FRY: variants seen among roughly 807,000 people sequenced by gnomAD.
FRY encodes the protein FRY microtubule binding protein, also known as protein furry homolog.
FRY carries 128 observed loss-of-function variants against 348.4 expected under a neutral mutation model. The ratio of observed to expected loss-of-function variants is 0.37; its 90% CI spans 0.32 to 0.43. The LOEUF (loss-of-function observed/expected upper bound fraction) is 0.43, where lower values mean the gene tolerates loss of function less well. Ranked by LOEUF, FRY falls within the 20% of genes least tolerant of loss-of-function variation. FRY has a pLI of 1.00. For missense variants in FRY, 2,736 were observed against 3,695.2 expected (o/e 0.74, Z 6.73); for synonymous variants, 1,370 against 1,374.7 (o/e 1.00, Z 0.08).
chr13:32,209,537 C>A, intron 32 of FRY, 48 bp from the exon 33 acceptor site: 1 of 1,596,310 alleles, frequency 6.3e-7, no homozygotes, highest in Non-Finnish European at 8.6e-7. Flanking sequence ...CCTTTTGCGT[C>A]CTTACAGTTT....
At chr13:32,228,166 C>T (rs756796786) in intron 39 of FRY, among the ~76,000 whole-genome samples, 3 of 152,194 alleles carry the variant, frequency 2.0e-5, no homozygotes, top group African/African-American at 7.2e-5. Context: ...CATACAAACA[C>T]GCATACATAC....
Position 32,261,834 on chromosome 13 carries a change from C to T in FRY, c.7617+18C>T. ...CAGACCTAGTAAGTAGCGGCTCTCCCACTCTAAGAATTGGGAGGCTTATTT... is the reference window on the plus strand; with the variant it reads ...CAGACCTAGTAAGTAGCGGCTCTCCTACTCTAAGAATTGGGAGGCTTATTT... On this transcript the variant is annotated intron_variant, in intron 52 of 60. Transcript: ENST00000542859. The T allele has an allele frequency of 6.2e-7, 1 of 1,609,958 alleles. No individual in the cohort carries two copies. The highest frequency in any genetic ancestry group is 8.5e-7 in the Non-Finnish European group (1 of 1,176,204).
intron 28 of FRY, among the ~76,000 whole-genome samples, chr13:32,190,394 A>G (rs1449403094): frequency 1.3e-5 from 2 of 152,114 alleles, no homozygotes; most frequent in East Asian, 3.8e-4. Context: ...AGGTGACACA[A>G]TTGTGTGTGT....
At chr13:32,218,702 T>C in intron 35 of FRY, 47 bp from the exon 36 acceptor site, 3 of 840,632 alleles carry the variant, frequency 3.6e-6, no homozygotes, top group Non-Finnish European at 5.8e-6. Flanking sequence ...AAAAAGCGCA[T>C]ATGCACACAT....
At chr13:32,209,865 C>G in intron 33 of FRY, 134 bp downstream of exon 33, 2 of 889,392 alleles carry the variant, frequency 2.2e-6, no homozygotes, top group Non-Finnish European at 1.8e-6. Flanking sequence ...CCTGTGAGCT[C>G]ATCCAGATAT....
At chr13:32,220,498 A>G (rs1885259085) in intron 36 of FRY, among the ~76,000 whole-genome samples, 1 of 152,246 alleles carries the variant, frequency 6.6e-6, no homozygotes. Flanking sequence ...AACACTGAAT[A>G]GTCAAATCTC....
intron 2 of FRY, chr13:32,085,930 G>A (rs1347346479): frequency 7.7e-6 from 4 of 518,856 alleles, no homozygotes; most frequent in African/African-American, 3.9e-5. Flanking sequence ...AGATGACAGA[G>A]GCAAACAAAG....
At chr13:32,140,120 G>T (rs1566092594) in intron 11 of FRY, among the ~76,000 whole-genome samples, 1 of 151,226 alleles carries the variant, frequency 6.6e-6, no homozygotes, top group Non-Finnish European at 1.5e-5. Flanking sequence ...AACCTCAAAG[G>T]TTAAGAAACA....
intron 31 of FRY, among the ~76,000 whole-genome samples, chr13:32,204,928 G>T (rs904763197): frequency 2.0e-5 from 3 of 152,146 alleles, no homozygotes; most frequent in African/African-American, 7.2e-5. Flanking sequence ...ATCAAGCCAA[G>T]CACAGTGGCT....
intron 11 of FRY, among the ~76,000 whole-genome samples, chr13:32,142,020 A>G (rs1880104726): frequency 6.6e-6 from 1 of 150,928 alleles, no homozygotes; most frequent in Non-Finnish European, 1.5e-5. Context: ...GTTTTTTTTG[A>G]TCTTGAAGCA....
At chr13:32,215,092 G>T (rs1258397901) in intron 35 of FRY, among the ~76,000 whole-genome samples, 1 of 152,180 alleles carries the variant, frequency 6.6e-6, no homozygotes, top group African/African-American at 2.4e-5. Flanking sequence ...GGGTAAGACA[G>T]TTGGTGTCTT....
At chr13:32,268,494 AAAAAAAAAAAAATATAT>A (rs1407713863) in intron 55 of FRY, among the ~76,000 whole-genome samples, 11 of 19,018 alleles carry the variant, frequency 5.8e-4, no homozygotes, top group African/African-American at 1.4e-3. Flanking sequence ...TTTAAAAAAA[AAAAAAAAAAAAATATAT>A]ATATATATAT....
intron 4 of FRY, among the ~76,000 whole-genome samples, chr13:32,119,687 CCTGATTTCTG>C (rs1878528809): frequency 6.6e-6 from 1 of 152,090 alleles, no homozygotes; most frequent in Non-Finnish European, 1.5e-5. Flanking sequence ...GGATATAAAG[CCTGATTTCTG>C]AGTGCCCTCC....
At chr13:32,140,631 A>C (rs970905484) in intron 11 of FRY, among the ~76,000 whole-genome samples, 1 of 152,198 alleles carries the variant, frequency 6.6e-6, no homozygotes, top group Non-Finnish European at 1.5e-5. Context: ...ACTCTAAAGA[A>C]AACCTAATAG....
At chr13:32,089,626 T>C (rs1037258616) in intron 2 of FRY, among the ~76,000 whole-genome samples, 1 of 151,990 alleles carries the variant, frequency 6.6e-6, no homozygotes, top group African/African-American at 2.4e-5. Context: ...AACAAAAAAA[T>C]TAGCCAGGCG....
chr13:32,093,851 T>A (rs1876500867), intron 2 of FRY, among the ~76,000 whole-genome samples: 2 of 152,238 alleles, frequency 1.3e-5, no homozygotes, highest in African/African-American at 4.8e-5. Context: ...AGAATGATTT[T>A]GTGAAAATAA....
Position 32,182,971 on chromosome 13 carries a change from CCA to C in FRY, c.2997-3_2997-2del. On this transcript the variant is annotated splice_region_variant and splice_polypyrimidine_tract_variant and intron_variant, in intron 23 of 60. Transcript: ENST00000542859. ...GAATTTCAAATTTGACCTTTTTCCT[CCA>C]CAGAGAATTGGTAGAAGAACTTCAT... is the stretch of plus-strand genomic sequence containing the variant. 6.3e-7 allele frequency: 1 copy of C among 1,587,756 alleles called. No homozygotes were observed. Among genetic ancestry groups the C allele is most frequent in the Non-Finnish European group, 8.6e-7 (1 of 1,156,822 alleles).
rs932386800 is a variant in FRY, at chr13:32,296,646, C to T, written c.*1186C>T. The T allele has an allele frequency of 6.6e-6, 1 of 151,174 alleles. No individual in the cohort carries two copies. The highest frequency in any genetic ancestry group is 1.5e-5 in the Non-Finnish European group (1 of 67,844). The allele number at this position is 151,174 out of a possible 1,614,324, so 9.4% of individuals were successfully genotyped here. On this transcript the variant is annotated 3_prime_UTR_variant, in exon 61 of 61. Transcript: ENST00000542859. ...AAAAAAAAGACAAAATACACGTTGA[C>T]CATGGACTTTATTTCTGGTTAATGA...
chr13:32,135,058 T>C (rs1321699158), intron 9 of FRY, 27 bp from the exon 10 acceptor site: 2 of 1,545,530 alleles, frequency 1.3e-6, no homozygotes, highest in East Asian at 2.2e-5. Context: ...TTTATTAATA[T>C]AATATTCACA....
Sources: allele counts gnomAD v4.1 joint callset (sites outside exome capture counted in the v4.1 genomes callset), GRCh38; gene constraint gnomAD v4.1.1; transcripts MANE v1.5; gene names NCBI Gene and HGNC (gene_info 2026-07-23, HGNC 2026-07-21).